The following GALNT17 variants were observed in gnomAD, a reference collection of about 807,000 sequenced individuals.
GALNT17 encodes the protein UDP-GalNAc:polypeptide N-acetylgalactosaminyltransferase-like 3.
Under a neutral mutation model 63.7 loss-of-function variants are expected in GALNT17, and 29 were observed. The observed-to-expected ratio is 0.46, with a 90% CI of 0.34 to 0.62. The LOEUF (loss-of-function observed/expected upper bound fraction) is 0.62. Among genes scored for constraint, GALNT17 ranks in the 20% least tolerant of loss-of-function variants. GALNT17 has a pLI of 0.01. For synonymous variants in GALNT17, 305 were observed against 318.3 expected, an observed-to-expected ratio of 0.96 and a Z score of 0.45; for missense variants, 603 against 799.6, an observed-to-expected ratio of 0.75 and a Z score of 2.97.
chr7:71,697,285 C>A (rs551495557), intron 9 of GALNT17, among the ~76,000 whole-genome samples: 1 of 152,130 alleles, frequency 6.6e-6, no homozygotes, highest in South Asian at 2.1e-4. Context: ...GGTCTGGAGG[C>A]AAGAGAACCA....
intron 5 of GALNT17, among the ~76,000 whole-genome samples, chr7:71,533,716 A>T (rs1788756360): frequency 6.6e-6 from 1 of 152,152 alleles, no homozygotes; most frequent in African/African-American, 2.4e-5. Flanking sequence ...TTTGGCCTAG[A>T]TCTGGTTGCT....
At chr7:71,233,703 G>C (rs1351361068) in intron 1 of GALNT17, among the ~76,000 whole-genome samples, 2 of 151,132 alleles carry the variant, frequency 1.3e-5, no homozygotes, top group Non-Finnish European at 2.9e-5. Flanking sequence ...CTTGCCTTTG[G>C]GGCTCTCATT....
intron 1 of GALNT17, among the ~76,000 whole-genome samples, chr7:71,205,429 G>T (rs998462774): frequency 1.4e-4 from 21 of 152,002 alleles, no homozygotes; most frequent in African/African-American, 5.1e-4. Context: ...TGGGATTACA[G>T]ACATGAGCCA....
intron 1 of GALNT17, among the ~76,000 whole-genome samples, chr7:71,178,114 T>G (rs1788671007): frequency 6.6e-6 from 1 of 152,132 alleles, no homozygotes; most frequent in Non-Finnish European, 1.5e-5. Flanking sequence ...TATAATAAAT[T>G]CTCTAATTTT....
At chr7:71,210,917 G>A (rs1437631185) in intron 1 of GALNT17, among the ~76,000 whole-genome samples, 6 of 152,108 alleles carry the variant, frequency 3.9e-5, no homozygotes, top group African/African-American at 1.2e-4. Context: ...AAACCCCACC[G>A]GCTATATTTA....
At chr7:71,600,414 G>A (rs1238221051) in intron 6 of GALNT17, among the ~76,000 whole-genome samples, 1 of 152,094 alleles carries the variant, frequency 6.6e-6, no homozygotes, top group Non-Finnish European at 1.5e-5. Context: ...GATCAGGCAG[G>A]GGATTAGCAA....
chr7:71,434,492 G>A (rs560797445), intron 5 of GALNT17, among the ~76,000 whole-genome samples: 39 of 152,320 alleles, frequency 2.6e-4, no homozygotes, highest in African/African-American at 9.4e-4. Flanking sequence ...AATCCAGCCA[G>A]GGGCCAAGTG....
At chr7:71,273,919 C>T (rs1790638335) in intron 1 of GALNT17, among the ~76,000 whole-genome samples, 1 of 152,042 alleles carries the variant, frequency 6.6e-6, no homozygotes, top group South Asian at 2.1e-4. Flanking sequence ...CATAGGTTTC[C>T]ACTGACCTGT....
chr7:71,380,771 C>T (rs995128735), intron 2 of GALNT17, among the ~76,000 whole-genome samples: 2 of 152,054 alleles, frequency 1.3e-5, no homozygotes, highest in African/African-American at 2.4e-5. Context: ...GCCTTGAACT[C>T]CTGGACTCAG....
chr7:71,303,294 TA>T (rs1562985536), intron 1 of GALNT17, among the ~76,000 whole-genome samples: 1 of 152,120 alleles, frequency 6.6e-6, no homozygotes, highest in Non-Finnish European at 1.5e-5. Flanking sequence ...GCAGAGACTA[TA>T]GGTGAACACC....
At chr7:71,431,069 A>G (rs887675513) in intron 5 of GALNT17, among the ~76,000 whole-genome samples, 1 of 152,134 alleles carries the variant, frequency 6.6e-6, no homozygotes, top group Non-Finnish European at 1.5e-5. Flanking sequence ...AATTTTTGCC[A>G]TTGGAGTGGA....
chr7:71,459,693 G>T (rs189500443), intron 5 of GALNT17, among the ~76,000 whole-genome samples: 2 of 146,452 alleles, frequency 1.4e-5, no homozygotes, highest in East Asian at 1.9e-4. Context: ...CATTCATTGT[G>T]GGGGGGAAAA....
chr7:71,488,574 C>CTTTTTT (rs965444360), intron 5 of GALNT17, among the ~76,000 whole-genome samples: 4 of 100,664 alleles, frequency 4.0e-5, no homozygotes, highest in Non-Finnish European at 5.9e-5. Context: ...ACTTGCCCTT[C>CTTTTTT]TTTTTTTTTT....
chr7:71,570,198 A>G (rs532801424), intron 5 of GALNT17, among the ~76,000 whole-genome samples: 1 of 152,258 alleles, frequency 6.6e-6, no homozygotes, highest in Admixed American at 6.5e-5. Flanking sequence ...GAATTTATAC[A>G]AAAATAAAAT....
chr7:71,305,251 A>G (rs986016320), intron 1 of GALNT17, among the ~76,000 whole-genome samples: 17 of 152,168 alleles, frequency 1.1e-4, no homozygotes, highest in Admixed American at 8.5e-4. Flanking sequence ...GTTTTTTGGG[A>G]TAGTTTTTCC....
At chr7:71,588,550 A>G (rs143265164) in intron 6 of GALNT17, among the ~76,000 whole-genome samples, 208 of 152,324 alleles carry the variant, frequency 1.4e-3, no homozygotes, top group Non-Finnish European at 1.6e-3. Context: ...GCTACAAGTC[A>G]GTTAACTAAA....
intron 6 of GALNT17, among the ~76,000 whole-genome samples, chr7:71,630,037 A>G (rs1403054718): frequency 6.6e-6 from 1 of 151,872 alleles, no homozygotes; most frequent in African/African-American, 2.4e-5. Context: ...CTCCAGTACT[A>G]TCAGGCCTGC....
intron 1 of GALNT17, among the ~76,000 whole-genome samples, chr7:71,135,859 G>A (rs148121068): frequency 6.6e-5 from 10 of 152,252 alleles, no homozygotes; most frequent in South Asian, 2.1e-4. Flanking sequence ...AACAGTTCCC[G>A]GACTGGTGGA....
At chr7:71,317,806 T>G (rs1791527288) in intron 1 of GALNT17, among the ~76,000 whole-genome samples, 1 of 152,342 alleles carries the variant, frequency 6.6e-6, no homozygotes, top group East Asian at 1.9e-4. Flanking sequence ...CACCCTAAGC[T>G]AGTGTCTTTA....
Sources: gnomAD v4.1 joint callset for allele counts (sites outside exome capture counted in the v4.1 genomes callset) on GRCh38, gnomAD v4.1.1 for gene constraint, MANE v1.5 for transcripts, NCBI Gene and HGNC (gene_info 2026-07-23, HGNC 2026-07-21) for gene names.